SCAPER: variants seen among roughly 807,000 people sequenced by gnomAD.
SCAPER encodes the protein S phase cyclin A-associated protein in the endoplasmic reticulum.
A neutral mutation model predicts 182.2 loss-of-function variants in SCAPER; 98 were observed. That is an observed-to-expected ratio of 0.54 (90% confidence interval 0.46 to 0.64). The LOEUF is 0.64. Ranked by LOEUF, SCAPER falls within the 30% of genes least tolerant of loss-of-function variation. The pLI is 0.00. For missense variants in SCAPER, 1,432 were observed against 1,690.0 expected (o/e 0.85, Z 2.68); for synonymous variants, 605 against 564.6 (o/e 1.07, Z -1.01).
intron 24 of SCAPER, among the ~76,000 whole-genome samples, chr15:76,500,294 T>C (rs1269413850): frequency 6.6e-6 from 1 of 152,186 alleles, no homozygotes; most frequent in Non-Finnish European, 1.5e-5. Context: ...AGAGAAGAAA[T>C]AGGCACCTGG....
chr15:76,641,917 T>C (rs1306435570), intron 21 of SCAPER, among the ~76,000 whole-genome samples: 2 of 152,202 alleles, frequency 1.3e-5, no homozygotes, highest in Admixed American at 6.5e-5. Flanking sequence ...TCACTGAATA[T>C]GGACACTAAA....
At chr15:76,621,241 T>G (rs2146093472) in intron 22 of SCAPER, among the ~76,000 whole-genome samples, 1 of 152,278 alleles carries the variant, frequency 6.6e-6, no homozygotes, top group Non-Finnish European at 1.5e-5. Flanking sequence ...GATGCCTTTG[T>G]TTACCTAGCT....
chr15:76,701,510 CCATAA>C (rs1421156128), intron 20 of SCAPER, among the ~76,000 whole-genome samples: 1 of 152,106 alleles, frequency 6.6e-6, no homozygotes, highest in African/African-American at 2.4e-5. Flanking sequence ...TATCAATATA[CCATAA>C]CATTTCCTTA....
intron 25 of SCAPER, among the ~76,000 whole-genome samples, chr15:76,440,907 GTTTTTTTTTTGTTTTTTT>G (rs1244733557): frequency 3.1e-4 from 26 of 82,856 alleles, no homozygotes; most frequent in Admixed American, 2.7e-3. Flanking sequence ...TCCCCTTCTG[GTTTTTTTTTTGTTTTTTT>G]TTTTTTTTTT....
At chr15:76,384,569 T>A (rs910186934) in intron 27 of SCAPER, among the ~76,000 whole-genome samples, 1 of 152,220 alleles carries the variant, frequency 6.6e-6, no homozygotes, top group African/African-American at 2.4e-5. Flanking sequence ...TTGCAAATAT[T>A]ATCCTAATGA....
At chr15:76,801,617 CA>C (rs558579037) in intron 6 of SCAPER, among the ~76,000 whole-genome samples, 9 of 152,146 alleles carry the variant, frequency 5.9e-5, no homozygotes, top group Middle Eastern at 3.4e-3. Context: ...TGATAACTGG[CA>C]AAAGTAAAAG....
intron 2 of SCAPER, among the ~76,000 whole-genome samples, chr15:76,863,166 G>T (rs1389654192): frequency 1.3e-5 from 2 of 152,174 alleles, no homozygotes; most frequent in Non-Finnish European, 2.9e-5. Flanking sequence ...CCCTGTGCCA[G>T]CTGGGAGCCA....
intron 21 of SCAPER, among the ~76,000 whole-genome samples, chr15:76,652,273 A>AAAAAAATATATATAT (rs1207156993): frequency 7.8e-5 from 1 of 12,870 alleles, no homozygotes; most frequent in Non-Finnish European, 1.3e-4. Context: ...AAAAAAAAAA[A>AAAAAAATATATATAT]ATATATATAT....
At chr15:76,461,336 T>C (rs2049158539) in intron 25 of SCAPER, among the ~76,000 whole-genome samples, 1 of 151,980 alleles carries the variant, frequency 6.6e-6, no homozygotes, top group Admixed American at 6.6e-5. Context: ...CCAACTTTTT[T>C]TTTTTTTTTA....
intron 23 of SCAPER, among the ~76,000 whole-genome samples, chr15:76,513,921 C>G (rs1471606537): frequency 6.6e-6 from 1 of 152,148 alleles, no homozygotes; most frequent in East Asian, 1.9e-4. Context: ...AAAATCAAAG[C>G]TCTCTGTATA....
At chr15:76,674,311 C>CTTACCA (rs2057232836) in intron 20 of SCAPER, among the ~76,000 whole-genome samples, 1 of 152,132 alleles carries the variant, frequency 6.6e-6, no homozygotes, top group African/African-American at 2.4e-5. Context: ...CAATTATAGT[C>CTTACCA]TTACCAAATG....
intron 21 of SCAPER, among the ~76,000 whole-genome samples, chr15:76,625,611 C>T (rs550319539): frequency 2.2e-4 from 34 of 152,234 alleles, no homozygotes; most frequent in African/African-American, 7.2e-4. Context: ...TGGTAGGAGG[C>T]AGACTCTGAT....
chr15:76,838,412 C>T (rs1430785972), intron 5 of SCAPER, among the ~76,000 whole-genome samples: 1 of 152,170 alleles, frequency 6.6e-6, no homozygotes, highest in Non-Finnish European at 1.5e-5. Context: ...CAGAGTTTTA[C>T]ATATACTCAC....
chr15:76,781,441 T>G (rs574854991), intron 8 of SCAPER, among the ~76,000 whole-genome samples: 1 of 152,012 alleles, frequency 6.6e-6, no homozygotes, highest in Non-Finnish European at 1.5e-5. Context: ...ATGGGGAGAA[T>G]GGAACCAAGT....
intron 23 of SCAPER, among the ~76,000 whole-genome samples, chr15:76,560,160 TGGGTGTGGG>T (rs1348740893): frequency 6.6e-6 from 1 of 152,104 alleles, no homozygotes; most frequent in African/African-American, 2.4e-5. Flanking sequence ...GTGATAGCAT[TGGGTGTGGG>T]TCCTTTGGGG....
intron 5 of SCAPER, among the ~76,000 whole-genome samples, chr15:76,820,596 G>T (rs1171869226): frequency 1.5e-5 from 2 of 133,686 alleles, no homozygotes; most frequent in South Asian, 2.9e-4. Context: ...TTGTGGGTTG[G>T]GGGGAGGGGG....
intron 29 of SCAPER, among the ~76,000 whole-genome samples, chr15:76,358,554 T>G (rs1232466817): frequency 6.6e-6 from 1 of 152,234 alleles, no homozygotes; most frequent in Non-Finnish European, 1.5e-5. Flanking sequence ...CTTCTTGCTA[T>G]GTGCTCACAT....
chr15:76,604,884 G>A (rs1305622436), intron 22 of SCAPER, among the ~76,000 whole-genome samples: 1 of 151,924 alleles, frequency 6.6e-6, no homozygotes. Context: ...TTTGTATCCT[G>A]AGACTTTGCT....
chr15:76,525,517 C>T lies in SCAPER; in HGVS notation c.2839-20543G>A, dbSNP rs1222725529. ...CAACAGGTAGTTTTTCAACTTGCTC[C>T]CCCTCCCTCCCCTTCTAGTTGTCCC... On this transcript the variant is annotated intron_variant, in intron 23 of 31. Transcript: ENST00000563290. 2.6e-5 allele frequency among the ~76,000 whole-genome samples: 4 copies of T among 151,994 alleles called. No homozygotes were observed. The South Asian group carries it at 8.3e-4, about 32-fold the overall frequency.
Sources: gnomAD v4.1 joint callset for allele counts (sites outside exome capture counted in the v4.1 genomes callset) on GRCh38, gnomAD v4.1.1 for gene constraint, MANE v1.5 for transcripts, NCBI Gene and HGNC (gene_info 2026-07-23, HGNC 2026-07-21) for gene names.